FNIP1: variants seen among roughly 807,000 people sequenced by gnomAD.
FNIP1 encodes the protein folliculin-interacting protein 1.
FNIP1 carries 40 observed loss-of-function variants against 124.5 expected under a neutral mutation model. The ratio of observed to expected loss-of-function variants is 0.32; its 90% CI spans 0.25 to 0.42. FNIP1 has a LOEUF of 0.42. FNIP1 is among the 10% of genes least tolerant of loss of function. FNIP1 has a pLI of 1.00. For missense variants in FNIP1, 1,176 were observed against 1,403.7 expected (o/e 0.84, Z 2.59); for synonymous variants, 472 against 470.6 (o/e 1.00, Z -0.04).
chr5:131,750,603 T>G (rs570711964), intron 1 of FNIP1, among the ~76,000 whole-genome samples: 4 of 151,386 alleles, frequency 2.6e-5, no homozygotes, highest in African/African-American at 9.7e-5. Flanking sequence ...GGAGGTATAT[T>G]CTTCCCTTCT....
At chr5:131,768,709 G>A (rs533357683) in intron 1 of FNIP1, among the ~76,000 whole-genome samples, 4 of 152,246 alleles carry the variant, frequency 2.6e-5, no homozygotes, top group African/African-American at 9.6e-5. Flanking sequence ...TGAGGCAGGA[G>A]AATTGCTTGA....
At chr5:131,738,694 C>T (rs1260690382) in intron 2 of FNIP1, among the ~76,000 whole-genome samples, 9 of 151,896 alleles carry the variant, frequency 5.9e-5, no homozygotes, top group East Asian at 5.8e-4. Context: ...TTAGTAGAGA[C>T]GGGGTTTCAC....
At chr5:131,758,771 A>G (rs1399019356) in intron 1 of FNIP1, among the ~76,000 whole-genome samples, 1 of 152,154 alleles carries the variant, frequency 6.6e-6, no homozygotes, top group Non-Finnish European at 1.5e-5. Flanking sequence ...ACCTCAGAAG[A>G]CCATGTGAAC....
chr5:131,685,769 A>G (rs1251922470), intron 11 of FNIP1, among the ~76,000 whole-genome samples: 1 of 150,862 alleles, frequency 6.6e-6, no homozygotes, highest in East Asian at 2.0e-4. Context: ...AGAATCTTTG[A>G]GTAAGCTTTC....
intron 1 of FNIP1, among the ~76,000 whole-genome samples, chr5:131,768,310 C>T (rs577559784): frequency 2.0e-5 from 3 of 152,138 alleles, no homozygotes; most frequent in African/African-American, 7.2e-5. Flanking sequence ...ATACGTATAC[C>T]TAATTGAAAT....
At chr5:131,748,241 A>C (rs1257353604) in intron 1 of FNIP1, among the ~76,000 whole-genome samples, 1 of 151,906 alleles carries the variant, frequency 6.6e-6, no homozygotes, top group Non-Finnish European at 1.5e-5. Flanking sequence ...CAGTTCAAAA[A>C]CTCCTATTGC....
At chr5:131,762,279 G>C (rs1364857741) in intron 1 of FNIP1, among the ~76,000 whole-genome samples, 1 of 152,124 alleles carries the variant, frequency 6.6e-6, no homozygotes, top group Non-Finnish European at 1.5e-5. Flanking sequence ...TTTCTGCACA[G>C]TAAGGGAAAC....
chr5:131,721,612 C>T (rs942058079), intron 3 of FNIP1, among the ~76,000 whole-genome samples: 2 of 152,104 alleles, frequency 1.3e-5, no homozygotes, highest in African/African-American at 4.8e-5. Context: ...GCCTGGCCAA[C>T]ATGGTGAAAC....
At chr5:131,783,083 C>T (rs1189808154) in intron 1 of FNIP1, among the ~76,000 whole-genome samples, 1 of 152,172 alleles carries the variant, frequency 6.6e-6, no homozygotes, top group Admixed American at 6.5e-5. Flanking sequence ...ACTAGGAAAC[C>T]AAAAAATTTG....
chr5:131,667,573 T>TTTTG lies in FNIP1; in HGVS notation c.3108+2886_3108+2889dup, dbSNP rs35498280. 7.4e-3 allele frequency among the ~76,000 whole-genome samples: 1,124 copies of TTTTG among 150,936 alleles called. 18 individuals carry two copies. Among genetic ancestry groups the TTTTG allele is most frequent in the East Asian group, 0.023 (119 of 5,092 alleles). On this transcript the variant is annotated intron_variant, in intron 15 of 17. Transcript: ENST00000510461. The stretch of plus-strand genomic sequence containing the variant: ...CACTTGGCTTTCTTCACTTCTGTTT[T>TTTTG]TTTGTTTGTTTGTTTGTTTGTTTGT...
intron 1 of FNIP1, among the ~76,000 whole-genome samples, chr5:131,756,780 T>C (rs113676558): frequency 1.5e-3 from 230 of 152,256 alleles, no homozygotes; most frequent in African/African-American, 5.2e-3. Context: ...GTGGCTTGAA[T>C]TGGAGTACAG....
chr5:131,690,745 A>G (rs1303228458), intron 11 of FNIP1, among the ~76,000 whole-genome samples: 1 of 152,236 alleles, frequency 6.6e-6, no homozygotes, highest in Non-Finnish European at 1.5e-5. Flanking sequence ...AGAGGTCAGA[A>G]CAGTGAAAAT....
At chr5:131,790,239 AG>A (rs1175028823) in intron 1 of FNIP1, among the ~76,000 whole-genome samples, 1 of 152,190 alleles carries the variant, frequency 6.6e-6, no homozygotes, top group Non-Finnish European at 1.5e-5. Flanking sequence ...AATGGGGAGA[AG>A]GTGGCTATTT....
chr5:131,755,082 G>A (rs1471649236), intron 1 of FNIP1, among the ~76,000 whole-genome samples: 1 of 152,128 alleles, frequency 6.6e-6, no homozygotes, highest in Non-Finnish European at 1.5e-5. Flanking sequence ...GAGTTCAAGG[G>A]GGCTGCGAGA....
chr5:131,729,416 A>G (rs1330934423), intron 3 of FNIP1, among the ~76,000 whole-genome samples: 1 of 152,228 alleles, frequency 6.6e-6, no homozygotes, highest in Non-Finnish European at 1.5e-5. Flanking sequence ...CAGTCTGGCT[A>G]CAGTGGCTTA....
chr5:131,677,647 TAC>T, intron 13 of FNIP1, 54 bp downstream of exon 13: 1 of 1,464,972 alleles, frequency 6.8e-7, no homozygotes, highest in South Asian at 1.4e-5. Flanking sequence ...ATAAAATAAT[TAC>T]AGATAGCTAC....
chr5:131,789,716 T>A (rs549880105), intron 1 of FNIP1, among the ~76,000 whole-genome samples: 5 of 152,252 alleles, frequency 3.3e-5, no homozygotes, highest in African/African-American at 1.2e-4. Context: ...ACTCACTCTA[T>A]CATTTTTTAA....
chr5:131,653,730 G>A (rs1225833984), intron 15 of FNIP1, among the ~76,000 whole-genome samples: 4 of 152,052 alleles, frequency 2.6e-5, no homozygotes, highest in African/African-American at 9.7e-5. Flanking sequence ...TATACTGTTT[G>A]AACTTTTAAA....
In FNIP1 at chr5:131,670,481, A is replaced by G. The variant is rs778893942; in HGVS notation, c.3090T>C (p.Asp1030=). 2.5e-5 allele frequency: 40 copies of G among 1,610,350 alleles called. No homozygotes were observed. The South Asian group carries it at 4.3e-4, about 17-fold the overall frequency. ...DERFRQCLMS[D]LSHAVQHPVL... is the part of the protein sequence containing the mutation. ...CACTCACCTGCACAGCATGAGATAA[A>G]TCTGACATCAGACACTGACGGAACC... The change falls in exon 15 of 18, where the codon GAT becomes GAC. Residue 1030 remains aspartate, a synonymous_variant. Coordinates refer to ENST00000510461, the MANE Select transcript of FNIP1 (RefSeq NM_133372.3).
Sources: allele counts gnomAD v4.1 joint callset (sites outside exome capture counted in the v4.1 genomes callset), GRCh38; gene constraint gnomAD v4.1.1; transcripts MANE v1.5; gene names NCBI Gene and HGNC (gene_info 2026-07-23, HGNC 2026-07-21).